The following FARS2 variants were observed in gnomAD, a reference collection of about 807,000 sequenced individuals.
FARS2 encodes the protein phenylalanyl-tRNA synthetase 2, mitochondrial.
A neutral mutation model predicts 46.4 loss-of-function variants in FARS2; 40 were observed. That is an observed-to-expected ratio of 0.86 (90% CI 0.67 to 1.12). The LOEUF is 1.12. Among genes scored for constraint, FARS2 ranks in the 50% most tolerant of loss-of-function variants. The probability of loss-of-function intolerance (pLI) is 0.00; values close to 1 mark genes in which losing one functional copy is unlikely to be tolerated. For missense variants in FARS2, 513 were observed against 567.9 expected, an observed-to-expected ratio of 0.90 and a Z score of 0.98; for synonymous variants, 234 against 214.9, an observed-to-expected ratio of 1.09 and a Z score of -0.78.
At chr6:5,300,384 C>T (rs958462566) in intron 1 of FARS2, among the ~76,000 whole-genome samples, 22 of 152,022 alleles carry the variant, frequency 1.4e-4, no homozygotes, top group African/African-American at 2.2e-4. Flanking sequence ...TTCTTCCTGA[C>T]CTTTGACTTG....
At chr6:5,610,719 A>G (rs1365250600) in intron 5 of FARS2, among the ~76,000 whole-genome samples, 1 of 152,234 alleles carries the variant, frequency 6.6e-6, no homozygotes, top group South Asian at 2.1e-4. Context: ...ATAAGAAAAC[A>G]TGAATAATAT....
chr6:5,613,346 C>T, intron 6 of FARS2, 26 bp downstream of exon 6: 2 of 1,600,914 alleles, frequency 1.2e-6, no homozygotes, highest in Non-Finnish European at 1.7e-6. Context: ...TCTGATTTTA[C>T]CCTTGACTAT....
chr6:5,616,175 T>G (rs1693716419), intron 6 of FARS2, among the ~76,000 whole-genome samples: 1 of 152,112 alleles, frequency 6.6e-6, no homozygotes, highest in African/African-American at 2.4e-5. Context: ...TAAATATATT[T>G]TGGAGCTTGC....
intron 6 of FARS2, among the ~76,000 whole-genome samples, chr6:5,638,319 C>A (rs1179981794): frequency 6.6e-6 from 1 of 152,214 alleles, no homozygotes; most frequent in Non-Finnish European, 1.5e-5. Flanking sequence ...CATCCCAGCA[C>A]TTTGGGAGGC....
intron 5 of FARS2, among the ~76,000 whole-genome samples, chr6:5,567,427 GCAAA>G (rs1469773197): frequency 3.9e-5 from 6 of 152,126 alleles, no homozygotes; most frequent in Admixed American, 2.6e-4. Flanking sequence ...TCGTATTGCT[GCAAA>G]CAAATTGCTG....
intron 1 of FARS2, among the ~76,000 whole-genome samples, chr6:5,296,895 A>C (rs1400324610): frequency 2.0e-5 from 3 of 152,184 alleles, no homozygotes; most frequent in African/African-American, 7.2e-5. Flanking sequence ...GAGTGTACAG[A>C]TATCTTTTCA....
chr6:5,694,639 A>G (rs780221708), intron 6 of FARS2, among the ~76,000 whole-genome samples: 15 of 152,142 alleles, frequency 9.9e-5, no homozygotes, highest in East Asian at 1.9e-4. Flanking sequence ...ATTTCTCTCT[A>G]TGTTCTAAAG....
rs78889397 is a variant in FARS2 at position 5,423,389 on chromosome 6, C to G, written c.773-7652C>G. 5.5e-3 allele frequency among the ~76,000 whole-genome samples: 841 copies of G among 151,988 alleles called. 5 individuals carry two copies. Among genetic ancestry groups the G allele is most frequent in the African/African-American group, 0.019 (795 of 41,430 alleles). On this transcript the variant is annotated intron_variant, in intron 3 of 6. Coordinates refer to ENST00000274680, the MANE Select transcript of FARS2 (RefSeq NM_006567.5). ...CTCATTTCATTGTGAGGTAGAGAAA[C>G]GATCATATCATCTTACGATCCAAGC...
intron 6 of FARS2, among the ~76,000 whole-genome samples, chr6:5,657,242 C>G (rs966007383): frequency 2.0e-5 from 3 of 152,144 alleles, no homozygotes; most frequent in Non-Finnish European, 4.4e-5. Context: ...CTTCCACCCC[C>G]CTCACAGTTC....
At chr6:5,357,884 A>G (rs1232840736) in intron 1 of FARS2, among the ~76,000 whole-genome samples, 1 of 152,180 alleles carries the variant, frequency 6.6e-6, no homozygotes, top group Non-Finnish European at 1.5e-5. Context: ...GTAATGAAGA[A>G]ACGGCTTCAT....
chr6:5,645,633 G>A (rs1251537858), intron 6 of FARS2, among the ~76,000 whole-genome samples: 4 of 152,198 alleles, frequency 2.6e-5, no homozygotes, highest in East Asian at 1.9e-4. Flanking sequence ...TGAAGCTGGT[G>A]CATGTGGAGG....
chr6:5,610,121 G>T, intron 5 of FARS2: 2 of 1,112,498 alleles, frequency 1.8e-6, no homozygotes, highest in Non-Finnish European at 2.7e-6. Context: ...GGCTCTCATT[G>T]GTTGTTTCAA....
At chr6:5,621,291 T>C (rs1775764171) in intron 6 of FARS2, among the ~76,000 whole-genome samples, 1 of 151,786 alleles carries the variant, frequency 6.6e-6, no homozygotes, top group Admixed American at 6.6e-5. Context: ...AGGTCTTGCT[T>C]CGTTGCCCAG....
intron 4 of FARS2, among the ~76,000 whole-genome samples, chr6:5,465,463 T>A (rs1180103659): frequency 6.6e-6 from 1 of 152,256 alleles, no homozygotes; most frequent in Non-Finnish European, 1.5e-5. Flanking sequence ...CTTGCTATTT[T>A]GCTCATTGGC....
At chr6:5,501,631 A>G (rs1223478587) in intron 4 of FARS2, among the ~76,000 whole-genome samples, 2 of 152,042 alleles carry the variant, frequency 1.3e-5, no homozygotes, top group Non-Finnish European at 2.9e-5. Flanking sequence ...AGTAGCTGGG[A>G]CTACAGGCGT....
chr6:5,377,066 C>T (rs961643374), intron 2 of FARS2, among the ~76,000 whole-genome samples: 7 of 152,142 alleles, frequency 4.6e-5, no homozygotes, highest in Non-Finnish European at 8.8e-5. Flanking sequence ...AGCTTCCAAA[C>T]GAAATTTTTA....
chr6:5,621,237 C>T (rs1582606157), intron 6 of FARS2, among the ~76,000 whole-genome samples: 1 of 151,912 alleles, frequency 6.6e-6, no homozygotes, highest in South Asian at 2.1e-4. Flanking sequence ...CAGGCATAGG[C>T]CACCACACTT....
intron 1 of FARS2, among the ~76,000 whole-genome samples, chr6:5,350,852 A>G (rs965570501): frequency 6.6e-6 from 1 of 152,198 alleles, no homozygotes; most frequent in African/African-American, 2.4e-5. Flanking sequence ...TTATGTTCAA[A>G]TGAAAAGTTT....
chr6:5,400,939 G>T (rs1004660808), intron 2 of FARS2, among the ~76,000 whole-genome samples: 1 of 150,062 alleles, frequency 6.7e-6, no homozygotes, highest in African/African-American at 2.5e-5. Flanking sequence ...TGTCTTGCTC[G>T]GTGTTTTTTT....
Sources: allele counts gnomAD v4.1 joint callset (sites outside exome capture counted in the v4.1 genomes callset), GRCh38; gene constraint gnomAD v4.1.1; transcripts MANE v1.5; gene names NCBI Gene and HGNC (gene_info 2026-07-23, HGNC 2026-07-21).